Variants in NLGN4Y observed in about 807,000 individuals in gnomAD.
NLGN4Y encodes the protein neuroligin-4, Y-linked.
A neutral mutation model predicts 8.4 loss-of-function variants in NLGN4Y; 4 were observed. The observed-to-expected ratio is 0.48, with a 90% CI of 0.23 to 1.09. NLGN4Y has a LOEUF of 1.09. Among genes scored for constraint, NLGN4Y ranks in the 50% least tolerant of loss-of-function variants. The pLI is 0.19. For missense variants in NLGN4Y, 90 were observed against 192.3 expected, an observed-to-expected ratio of 0.47 and a Z score of 3.15; for synonymous variants, 35 against 75.6, an observed-to-expected ratio of 0.46 and a Z score of 2.78.
chrY:14,819,043 C>A, intron 4 of NLGN4Y, among the ~76,000 whole-genome samples: 1 of 33,222 alleles, frequency 3.0e-5, no homozygotes, highest in Non-Finnish European at 7.4e-5. Flanking sequence ...CTTGTAGCTG[C>A]TCAAGGAAGG....
intron 1 of NLGN4Y, among the ~76,000 whole-genome samples, chrY:14,591,370 C>T (rs886438272): frequency 3.0e-5 from 1 of 32,952 alleles, no homozygotes; most frequent in Non-Finnish European, 7.4e-5. Context: ...CTGAGTGGCT[C>T]CCTGTGTTCT....
At chrY:14,831,342 T>A in intron 6 of NLGN4Y, among the ~76,000 whole-genome samples, 1 of 32,113 alleles carries the variant, frequency 3.1e-5, no homozygotes, top group African/African-American at 1.2e-4. Context: ...TTTTAAAATT[T>A]ATTTTGTTAG....
intron 4 of NLGN4Y, among the ~76,000 whole-genome samples, chrY:14,813,127 T>A (rs2043088926): frequency 6.1e-5 from 2 of 32,835 alleles, no homozygotes. Flanking sequence ...TATAGTGAGA[T>A]CTGATTGTCA....
chrY:14,553,804 A>G, intron 1 of NLGN4Y, among the ~76,000 whole-genome samples: 1 of 31,306 alleles, frequency 3.2e-5, no homozygotes, highest in African/African-American at 1.2e-4. Flanking sequence ...TTTACCTACT[A>G]TCATTAAAAA....
At chrY:14,642,167 C>T in intron 2 of NLGN4Y, among the ~76,000 whole-genome samples, 1 of 33,515 alleles carries the variant, frequency 3.0e-5, no homozygotes, top group Non-Finnish European at 7.4e-5. Context: ...TGCAAACAAG[C>T]GTGTATGTTT....
At chrY:14,548,097 A>T (rs986514966) in intron 1 of NLGN4Y, among the ~76,000 whole-genome samples, 7 of 32,651 alleles carry the variant, frequency 2.1e-4, no homozygotes, top group African/African-American at 3.6e-4. Flanking sequence ...AAATTTAGAG[A>T]TTATTGTTTT....
At chrY:14,625,456 G>T (rs112211625) in intron 2 of NLGN4Y, among the ~76,000 whole-genome samples, 2,341 of 33,103 alleles carry the variant, frequency 0.071, no homozygotes, top group Non-Finnish European at 0.11. Context: ...ATCAAAGCCA[G>T]TCAGAAGCTC....
intron 2 of NLGN4Y, among the ~76,000 whole-genome samples, chrY:14,700,594 C>T: frequency 9.1e-5 from 3 of 32,983 alleles, no homozygotes; most frequent in African/African-American, 2.4e-4. Flanking sequence ...AACTTAAGAC[C>T]GTGTTCTGAC....
intron 2 of NLGN4Y, among the ~76,000 whole-genome samples, chrY:14,667,855 A>T: frequency 3.0e-5 from 1 of 33,765 alleles, no homozygotes; most frequent in Non-Finnish European, 7.4e-5. Context: ...TGTAAGAGTA[A>T]GGTAAATTTG....
chrY:14,567,846 A>G (rs2080257939), intron 1 of NLGN4Y, among the ~76,000 whole-genome samples: 1 of 32,874 alleles, frequency 3.0e-5, no homozygotes, highest in Non-Finnish European at 7.4e-5. Flanking sequence ...CTTGATTTGA[A>G]TTTGAGGGAT....
At chrY:14,741,406 C>A (rs2081005582) in intron 4 of NLGN4Y, among the ~76,000 whole-genome samples, 1 of 33,498 alleles carries the variant, frequency 3.0e-5, no homozygotes, top group Non-Finnish European at 7.4e-5. Flanking sequence ...GGGTTCATTG[C>A]TGCAAAAGGA....
chrY:14,572,252 T>C, intron 1 of NLGN4Y, among the ~76,000 whole-genome samples: 1 of 32,325 alleles, frequency 3.1e-5, no homozygotes, highest in Non-Finnish European at 7.5e-5. Context: ...CTTCCATTTG[T>C]TTATATCCTC....
intron 2 of NLGN4Y, among the ~76,000 whole-genome samples, chrY:14,703,052 C>T (rs761478642): frequency 2.1e-4 from 7 of 32,976 alleles, no homozygotes; most frequent in Admixed American, 2.0e-3. Context: ...CTTGTAGATT[C>T]GGATATCAGC....
Position 14,842,048 on chromosome Y carries a change from A to C in NLGN4Y, c.*786A>C. 8.2e-6 allele frequency: 1 copy of C among 121,579 alleles called. No homozygotes were observed. The highest frequency in any genetic ancestry group is 1.8e-5 in the Non-Finnish European group (1 of 56,160). The allele number at this position is 121,579 out of a possible 400,897, so 30.3% of individuals were successfully genotyped here. A position where few individuals can be genotyped will look rare whatever the true frequency, so the allele number is the denominator to read the frequency against. On this transcript the variant is annotated 3_prime_UTR_variant, in exon 7 of 7. Transcript: ENST00000684976. ...AGGCTTTTCTTCTTAATTACATGTA[A>C]ACAAAGACATGGGATTTTCTGACGT...
At chrY:14,751,635 G>GT (rs2081041417) in intron 4 of NLGN4Y, 2 of 29,908 alleles carry the variant, frequency 6.7e-5, no homozygotes, top group Non-Finnish European at 1.6e-4. Context: ...TTCTTCTTAT[G>GT]TTTTTTGTTT....
intron 3 of NLGN4Y, among the ~76,000 whole-genome samples, chrY:14,720,403 G>GT (rs2080930664): frequency 3.8e-5 from 1 of 26,229 alleles, no homozygotes; most frequent in Non-Finnish European, 7.8e-5. Context: ...GAAGAAATTT[G>GT]TTTTTGTTTT....
intron 2 of NLGN4Y, among the ~76,000 whole-genome samples, chrY:14,638,105 A>T (rs2080573905): frequency 3.1e-5 from 1 of 32,124 alleles, no homozygotes; most frequent in African/African-American, 1.2e-4. Flanking sequence ...TAAGCCTGCC[A>T]TGGTGGTTTG....
chrY:14,548,972 T>G, intron 1 of NLGN4Y, among the ~76,000 whole-genome samples: 1 of 32,889 alleles, frequency 3.0e-5, no homozygotes, highest in Non-Finnish European at 7.5e-5. Context: ...ATAATTTCCT[T>G]TGGAGAGACC....
intron 2 of NLGN4Y, among the ~76,000 whole-genome samples, chrY:14,712,792 G>T (rs888857819): frequency 6.0e-5 from 2 of 33,586 alleles, no homozygotes; most frequent in Admixed American, 2.7e-4. Context: ...CAGTCAAAAG[G>T]TTCAATACAT....
Sources: allele counts gnomAD v4.1 joint callset (sites outside exome capture counted in the v4.1 genomes callset), GRCh38; gene constraint gnomAD v4.1.1; transcripts MANE v1.5; gene names NCBI Gene and HGNC (gene_info 2026-07-23, HGNC 2026-07-21).